The following ABCC9 variants were observed in gnomAD, a reference collection of about 807,000 sequenced individuals.
ABCC9 encodes ATP-binding cassette sub-family C member 9.
ABCC9 carries 95 observed loss-of-function variants against 188.3 expected under a neutral mutation model. The ratio of observed to expected loss-of-function variants is 0.50; its 90% confidence interval spans 0.43 to 0.60. ABCC9 has a LOEUF of 0.60. Ranked by LOEUF, ABCC9 falls within the 20% of genes least tolerant of loss-of-function variation. ABCC9 has a pLI of 0.00. For missense variants in ABCC9, 1,102 were observed against 1,876.3 expected (o/e 0.59, Z 7.62); for synonymous variants, 659 against 652.7 (o/e 1.01, Z -0.15).
At chr12:21,891,074 G>A (rs1947138513) in intron 14 of ABCC9, among the ~76,000 whole-genome samples, 1 of 151,998 alleles carries the variant, frequency 6.6e-6, no homozygotes, top group African/African-American at 2.4e-5. Context: ...TCTTTGTATA[G>A]CTTTATAACA....
intron 5 of ABCC9, among the ~76,000 whole-genome samples, chr12:21,920,420 C>CATTTT (rs1312445152): frequency 2.0e-5 from 3 of 151,812 alleles, no homozygotes; most frequent in African/African-American, 4.8e-5. Context: ...CATACAAAAT[C>CATTTT]ATTTTATTTT....
chr12:21,906,405 C>T (rs1948050208), intron 11 of ABCC9, 117 bp from the exon 12 acceptor site: 1 of 1,056,612 alleles, frequency 9.5e-7, no homozygotes, highest in African/African-American at 1.6e-5. Flanking sequence ...CTGCCACTCA[C>T]TAATTAGGTT....
chr12:21,806,667 C>T (rs11835036), intron 38 of ABCC9, among the ~76,000 whole-genome samples: 633 of 152,102 alleles, frequency 4.2e-3, no homozygotes, highest in African/African-American at 0.014. Flanking sequence ...GCAGTATTAC[C>T]GTTATAATAA....
At chr12:21,859,138 T>C (rs1206180092) in intron 22 of ABCC9, among the ~76,000 whole-genome samples, 1 of 152,168 alleles carries the variant, frequency 6.6e-6, no homozygotes, top group African/African-American at 2.4e-5. Context: ...CTTTCTACAG[T>C]TGTAGGGAGC....
At chr12:21,897,530 A>T (rs1947485663) in intron 12 of ABCC9, among the ~76,000 whole-genome samples, 1 of 152,254 alleles carries the variant, frequency 6.6e-6, no homozygotes, top group Non-Finnish European at 1.5e-5. Context: ...ATCTTCTTTA[A>T]TCTTTACAAT....
chr12:21,897,329 G>T (rs1180711744), intron 12 of ABCC9, among the ~76,000 whole-genome samples: 1 of 152,084 alleles, frequency 6.6e-6, no homozygotes, highest in Non-Finnish European at 1.5e-5. Flanking sequence ...ATTTTCAGAT[G>T]GATAGATCGC....
chr12:21,848,401 G>C (rs543233766), intron 24 of ABCC9, among the ~76,000 whole-genome samples, 155 bp from the exon 25 acceptor site: 1 of 152,260 alleles, frequency 6.6e-6, no homozygotes, highest in East Asian at 1.9e-4. Flanking sequence ...CACAGAAACA[G>C]CTGTGGGGGC....
chr12:21,830,607 T>G (rs1943699097), intron 30 of ABCC9, among the ~76,000 whole-genome samples: 1 of 152,238 alleles, frequency 6.6e-6, no homozygotes, highest in Non-Finnish European at 1.5e-5. Context: ...CCCACTGAAG[T>G]AATCCATACA....
In ABCC9 at chr12:21,863,030, A is replaced by G. The variant is rs145561881; in HGVS notation, c.2262T>C (p.Tyr754=). Reference sequence around the variant, plus strand: ...TTAATAGCCAAGGCTTTTGAGCTGCATATGCCACAGAGTACCTGTTCCTAC... The same window carrying G: ...TTAATAGCCAAGGCTTTTGAGCTGCGTATGCCACAGAGTACCTGTTCCTAC... ...TRSRNRYSVA[Y]AAQKPWLLNA... Residue 754 remains tyrosine, a synonymous_variant, in exon 20 of 40, where the codon TAT becomes TAC. Coordinates refer to ENST00000261200, the MANE Select transcript of ABCC9 (RefSeq NM_020297.4). 3.9e-4 allele frequency: 632 copies of G among 1,612,246 alleles called. 1 individual carries two copies. The highest frequency in any genetic ancestry group is 2.8e-3 in the Middle Eastern group (17 of 6,046).
rs371646433 is a variant in ABCC9, at chr12:21,805,991, T to C, written c.4512+7A>G. 60 of 1,613,636 alleles carry C rather than the reference T, an allele frequency of 3.7e-5. No individual in the cohort carries two copies. Among genetic ancestry groups the C allele is most frequent in the Admixed American group, 6.7e-5 (4 of 59,974 alleles). On this transcript the variant is annotated splice_region_variant and intron_variant, in intron 39 of 39. Coordinates refer to ENST00000261200, the MANE Select transcript of ABCC9 (RefSeq NM_020297.4). ...GAGGTATACCAACTCCGTCTTCTCA[T>C]ACTTACAGCTATTGTCACCACGGTC...
intron 28 of ABCC9, among the ~76,000 whole-genome samples, chr12:21,843,926 A>G (rs149213294): frequency 7.7e-4 from 117 of 152,350 alleles, no homozygotes; most frequent in African/African-American, 2.7e-3. Context: ...TCAGTCATCC[A>G]GAGGGTTCCA....
At chr12:21,935,034 C>A (rs113196318) in intron 3 of ABCC9, among the ~76,000 whole-genome samples, 1,708 of 152,096 alleles carry the variant, frequency 0.011, 18 homozygotes, top group Middle Eastern at 0.048. Flanking sequence ...ATTCAAGCAG[C>A]CAATGTCATA....
At chr12:21,891,733 G>C (rs1947170114) in intron 14 of ABCC9, among the ~76,000 whole-genome samples, 1 of 152,160 alleles carries the variant, frequency 6.6e-6, no homozygotes, top group Admixed American at 6.5e-5. Flanking sequence ...GTTTCTAAAT[G>C]TATTTAAGAT....
chr12:21,866,622 T>TGG, intron 18 of ABCC9, among the ~76,000 whole-genome samples: 1 of 152,318 alleles, frequency 6.6e-6, no homozygotes, highest in Middle Eastern at 3.4e-3. Flanking sequence ...TGCATATAAA[T>TGG]GGTGTGCAAC....
chr12:21,875,613 G>A, intron 17 of ABCC9, 41 bp downstream of exon 17: 1 of 1,415,682 alleles, frequency 7.1e-7, no homozygotes, highest in Admixed American at 1.7e-5. Flanking sequence ...TATGGTTACG[G>A]TCATGAACAA....
At chr12:21,889,777 G>A (rs1337300769) in intron 14 of ABCC9, among the ~76,000 whole-genome samples, 2 of 152,124 alleles carry the variant, frequency 1.3e-5, no homozygotes, top group Non-Finnish European at 2.9e-5. Context: ...GACCTTGATT[G>A]AGAATGGGGA....
intron 5 of ABCC9, among the ~76,000 whole-genome samples, chr12:21,920,087 T>C (rs762034223): frequency 2.0e-5 from 3 of 151,972 alleles, no homozygotes; most frequent in Non-Finnish European, 2.9e-5. Flanking sequence ...AAAAGAAAAC[T>C]TACTAGGCAA....
At position 21,852,379 on chromosome 12, in the gene ABCC9, G is replaced by A. The variant is rs777640505; in HGVS notation, c.2632C>T (p.His878Tyr). The A allele has an allele frequency of 3.7e-6, 6 of 1,613,938 alleles. No individual in the cohort carries two copies. Among genetic ancestry groups the A allele is most frequent in the Non-Finnish European group, 8.5e-7 (1 of 1,179,984 alleles). ...LVTHKLQYLT[H>Y]ADWIIAMKDG... Reference sequence around the variant, plus strand: ...TTCTAAACTCTTACCCAGTCAGCATGCGTCAGATACTGTAATTTGTGAGTC... The same window carrying A: ...TTCTAAACTCTTACCCAGTCAGCATACGTCAGATACTGTAATTTGTGAGTC... The change falls in exon 23 of 40, where the codon CAT becomes TAT. Residue 878 changes from histidine to tyrosine, a missense_variant. This residue lies in a region of ABCC9 where 131 missense variants were observed against 170.2 expected (regional missense o/e 0.77). Coordinates refer to ENST00000261200, the MANE Select transcript of ABCC9 (RefSeq NM_020297.4).
intron 14 of ABCC9, among the ~76,000 whole-genome samples, chr12:21,891,628 A>G (rs1009076146): frequency 2.6e-5 from 4 of 152,224 alleles, no homozygotes; most frequent in East Asian, 1.9e-4. Context: ...TGAACATGGT[A>G]TGGAATTCTC....
Sources: gnomAD v4.1 joint callset for allele counts (sites outside exome capture counted in the v4.1 genomes callset) on GRCh38, gnomAD v4.1.1 for gene constraint, gnomAD v4.1.1 regional missense constraint, MANE v1.5 for transcripts, NCBI Gene and HGNC (gene_info 2026-07-23, HGNC 2026-07-21) for gene names.